Variants in CLIC4 observed in about 807,000 individuals in gnomAD.
CLIC4 encodes the protein chloride intracellular channel protein 4.
A neutral mutation model predicts 24.6 loss-of-function variants in CLIC4; 13 were observed. That is an observed-to-expected ratio of 0.53 (90% CI 0.34 to 0.84). CLIC4 has a LOEUF of 0.84. Ranked by LOEUF, CLIC4 falls within the 40% of genes least tolerant of loss-of-function variation. CLIC4 has a pLI of 0.01. For missense variants in CLIC4, 227 were observed against 301.7 expected (o/e 0.75, Z 1.83); for synonymous variants, 104 against 111.3 (o/e 0.93, Z 0.41).
intron 4 of CLIC4, among the ~76,000 whole-genome samples, chr1:24,839,065 G>A (rs1639913722): frequency 6.6e-6 from 1 of 152,058 alleles, no homozygotes; most frequent in African/African-American, 2.4e-5. Flanking sequence ...AGACAGTTTT[G>A]AAAATCTCAG....
Position 24,759,715 on chromosome 1 carries a change from A to G in CLIC4, c.72+14090A>G, listed in dbSNP as rs115359129. Reference sequence around the variant, plus strand: ...TGTACTCCCAGCATTTTGAGAGGCCAAGGTGGGTGGATCGCTTGAGTCCAG... The same window carrying G: ...TGTACTCCCAGCATTTTGAGAGGCCGAGGTGGGTGGATCGCTTGAGTCCAG... On this transcript the variant is annotated intron_variant, in intron 1 of 5. Transcript: ENST00000374379. Among the ~76,000 whole-genome samples the G allele has an allele frequency of 8.4e-3, 1,276 of 152,288 alleles. 12 individuals carry two copies. The highest frequency in any genetic ancestry group is 0.028 in the African/African-American group (1,144 of 41,564).
In CLIC4 at chr1:24,745,623, A is replaced by C; in HGVS notation, c.70A>C (p.Lys24Gln). The part of the protein sequence containing the change: ...DKEPLIELFV[K>Q]AGSDGESIGN... ...AGAGCCCCTCATCGAGCTCTTCGTC[A>C]AGGTGAGCGCTCGCCTCGCGGTCCC... Residue 24 changes from lysine (K) to glutamine (Q), a missense_variant and splice_region_variant, in exon 1 of 6, where the codon AAG becomes CAG. By Grantham distance (53) the Lys-to-Gln change is moderately conservative. Transcript: ENST00000374379. The C allele has an allele frequency of 6.4e-7, 1 of 1,563,242 alleles. No individual in the cohort carries two copies. The highest frequency in any genetic ancestry group is 8.6e-7 in the Non-Finnish European group (1 of 1,157,806).
At chr1:24,760,437 CAAAGTCTTTGATCTGGCATTGATCTA>C (rs1204706036) in intron 1 of CLIC4, among the ~76,000 whole-genome samples, 6 of 152,230 alleles carry the variant, frequency 3.9e-5, no homozygotes, top group Non-Finnish European at 7.4e-5. Context: ...GAATTAGATA[CAAAGTCTTTGATCTGGCATTGATCTA>C]ACTTGTATTT....
intron 2 of CLIC4, among the ~76,000 whole-genome samples, chr1:24,800,344 G>A: frequency 8.2e-6 from 1 of 122,546 alleles, no homozygotes; most frequent in Admixed American, 7.8e-5. Flanking sequence ...GGAGGGAGGT[G>A]GGGGGGTCAG....
At chr1:24,761,237 T>C (rs1440708619) in intron 1 of CLIC4, among the ~76,000 whole-genome samples, 1 of 152,108 alleles carries the variant, frequency 6.6e-6, no homozygotes, top group Admixed American at 6.6e-5. Flanking sequence ...AAATTCAAAT[T>C]TATTAATACC....
intron 1 of CLIC4, 89 bp downstream of exon 1, chr1:24,745,714 C>A (rs903475762): frequency 2.8e-6 from 3 of 1,078,232 alleles, no homozygotes; most frequent in Non-Finnish European, 2.5e-6. Context: ...TCCTGAGGCG[C>A]CCCCGCTCGG....
chr1:24,829,650 AAG>A (rs752882914), intron 4 of CLIC4, among the ~76,000 whole-genome samples: 12 of 152,156 alleles, frequency 7.9e-5, no homozygotes, highest in Admixed American at 3.3e-4. Flanking sequence ...ATACTCATAA[AAG>A]AGATGTGAAC....
At chr1:24,776,372 C>A (rs1354932649) in intron 1 of CLIC4, among the ~76,000 whole-genome samples, 1 of 152,174 alleles carries the variant, frequency 6.6e-6, no homozygotes, top group East Asian at 1.9e-4. Context: ...CAAGTGCCAA[C>A]TCCCCTCCAA....
intron 2 of CLIC4, among the ~76,000 whole-genome samples, chr1:24,799,835 G>A (rs1205073101): frequency 5.8e-5 from 1 of 17,308 alleles, no homozygotes; most frequent in Non-Finnish European, 1.3e-4. Flanking sequence ...GAAGTGAGGA[G>A]CCCCTCTGCC....
chr1:24,811,525 T>C (rs1639614711), intron 2 of CLIC4, among the ~76,000 whole-genome samples: 1 of 151,944 alleles, frequency 6.6e-6, no homozygotes, highest in Non-Finnish European at 1.5e-5. Context: ...CAGGCTGAAG[T>C]GCAGTGATAT....
chr1:24,756,235 G>A (rs1254068417), intron 1 of CLIC4, among the ~76,000 whole-genome samples: 5 of 152,052 alleles, frequency 3.3e-5, no homozygotes, highest in African/African-American at 1.2e-4. Context: ...TCCTGACCTC[G>A]TGATCCGCCC....
intron 3 of CLIC4, among the ~76,000 whole-genome samples, chr1:24,820,612 C>G (rs1639720341): frequency 1.3e-5 from 2 of 152,118 alleles, no homozygotes; most frequent in Admixed American, 1.3e-4. Context: ...CCATATTTGC[C>G]AACTTGCTCT....
chr1:24,794,351 G>GA (rs1553191887), intron 1 of CLIC4, among the ~76,000 whole-genome samples: 1 of 130,850 alleles, frequency 7.6e-6, no homozygotes, highest in Non-Finnish European at 1.7e-5. Context: ...GCCAGCATCT[G>GA]TTTTTTTTTT....
intron 1 of CLIC4, chr1:24,793,339 G>A (rs1639362716): frequency 6.6e-6 from 1 of 152,156 alleles, no homozygotes. Flanking sequence ...AGTAGGATGA[G>A]TTAGTGCTGT....
At chr1:24,780,306 G>A (rs187106913) in intron 1 of CLIC4, among the ~76,000 whole-genome samples, 43 of 152,278 alleles carry the variant, frequency 2.8e-4, no homozygotes, top group Non-Finnish European at 4.9e-4. Flanking sequence ...CAGGCACTTT[G>A]CCTTCAGTCC....
intron 1 of CLIC4, among the ~76,000 whole-genome samples, chr1:24,752,725 T>A (rs1384627911): frequency 6.6e-6 from 1 of 152,144 alleles, no homozygotes; most frequent in African/African-American, 2.4e-5. Flanking sequence ...AATAGTTTAT[T>A]ATTATTATTT....
At chr1:24,785,542 C>A (rs905109167) in intron 1 of CLIC4, among the ~76,000 whole-genome samples, 1 of 152,098 alleles carries the variant, frequency 6.6e-6, no homozygotes, top group Non-Finnish European at 1.5e-5. Context: ...TTGGTTCCAG[C>A]ATGTGTTTAG....
chr1:24,814,888 A>G (rs1424759520), intron 3 of CLIC4, among the ~76,000 whole-genome samples: 2 of 152,168 alleles, frequency 1.3e-5, no homozygotes, highest in Admixed American at 6.5e-5. Context: ...TTTTGTTTCT[A>G]CTGACCAAAA....
chr1:24,813,850 C>G (rs1639641458), intron 2 of CLIC4, among the ~76,000 whole-genome samples: 1 of 152,112 alleles, frequency 6.6e-6, no homozygotes, highest in African/African-American at 2.4e-5. Flanking sequence ...TCCCTGGTAG[C>G]TGGTACTATA....
Sources: allele counts gnomAD v4.1 joint callset (sites outside exome capture counted in the v4.1 genomes callset), GRCh38; gene constraint gnomAD v4.1.1; transcripts MANE v1.5; gene names NCBI Gene and HGNC (gene_info 2026-07-23, HGNC 2026-07-21).